ZNF385D: variants seen among roughly 807,000 people sequenced by gnomAD.
The protein encoded by ZNF385D is zinc finger protein 385D.
ZNF385D carries 15 observed loss-of-function variants against 35.8 expected under a neutral mutation model. That is an observed-to-expected ratio of 0.42 (90% CI 0.28 to 0.64). The LOEUF (loss-of-function observed/expected upper bound fraction) is 0.64. Ranked by LOEUF, ZNF385D falls within the 30% of genes least tolerant of loss-of-function variation. The pLI is 0.23. For synonymous variants in ZNF385D, 212 were observed against 186.8 expected (o/e 1.13, Z -1.10); for missense variants, 474 against 494.6 (o/e 0.96, Z 0.39).
intron 3 of ZNF385D, among the ~76,000 whole-genome samples, chr3:21,827,100 G>T (rs1456746206): frequency 6.6e-6 from 1 of 152,146 alleles, no homozygotes; most frequent in Non-Finnish European, 1.5e-5. Context: ...CATAGTTTCA[G>T]TGAAGATGAA....
chr3:21,510,786 G>C (rs1707143766), intron 4 of ZNF385D, 75 bp downstream of exon 4: 2 of 1,574,600 alleles, frequency 1.3e-6, no homozygotes, highest in Non-Finnish European at 1.7e-6. Context: ...TAAGTAAACA[G>C]ACATGGGGCT....
intron 3 of ZNF385D, among the ~76,000 whole-genome samples, chr3:21,962,726 G>A (rs1031436879): frequency 2.0e-5 from 3 of 152,066 alleles, no homozygotes; most frequent in Non-Finnish European, 4.4e-5. Context: ...GGAACCAGAT[G>A]ATTTTCTTTT....
At chr3:21,857,162 AC>A (rs1306195860) in intron 3 of ZNF385D, among the ~76,000 whole-genome samples, 1 of 152,100 alleles carries the variant, frequency 6.6e-6, no homozygotes, top group Non-Finnish European at 1.5e-5. Flanking sequence ...ATGTCACTCT[AC>A]AGCCCTATCA....
intron 2 of ZNF385D, among the ~76,000 whole-genome samples, chr3:22,298,411 A>T (rs1282942020): frequency 6.9e-6 from 1 of 144,182 alleles, no homozygotes; most frequent in African/African-American, 2.5e-5. Context: ...TATGTAAAAT[A>T]AAAACATTTA....
chr3:22,289,484 CACT>C (rs1399909683), intron 2 of ZNF385D, among the ~76,000 whole-genome samples: 1 of 152,120 alleles, frequency 6.6e-6, no homozygotes, highest in African/African-American at 2.4e-5. Flanking sequence ...TTCTCTACAC[CACT>C]GATTCCCAAA....
intron 3 of ZNF385D, among the ~76,000 whole-genome samples, chr3:22,159,477 C>T (rs1705805827): frequency 6.6e-6 from 1 of 151,914 alleles, no homozygotes; most frequent in Non-Finnish European, 1.5e-5. Context: ...GTTGTAAAAC[C>T]TCATCATTGT....
At chr3:21,851,042 A>C (rs1185294601) in intron 3 of ZNF385D, among the ~76,000 whole-genome samples, 1 of 152,098 alleles carries the variant, frequency 6.6e-6, no homozygotes, top group East Asian at 1.9e-4. Flanking sequence ...GAAATGAGAA[A>C]GATAAAATCA....
At chr3:22,159,537 G>C (rs987669520) in intron 3 of ZNF385D, among the ~76,000 whole-genome samples, 14 of 152,018 alleles carry the variant, frequency 9.2e-5, no homozygotes, top group Admixed American at 9.2e-4. Flanking sequence ...AGAAATCTCT[G>C]TGTTGCAAAA....
intron 3 of ZNF385D, among the ~76,000 whole-genome samples, chr3:21,540,494 GA>G (rs34176668): frequency 2.0e-5 from 3 of 152,244 alleles, no homozygotes; most frequent in Non-Finnish European, 4.4e-5. Flanking sequence ...TGGTTGGGAC[GA>G]AAAAAGTTGA....
At chr3:21,506,093 G>A (rs1706752496) in intron 4 of ZNF385D, among the ~76,000 whole-genome samples, 1 of 152,132 alleles carries the variant, frequency 6.6e-6, no homozygotes, top group African/African-American at 2.4e-5. Context: ...ACAATAGAAT[G>A]TTATATAATT....
At chr3:21,573,612 T>C (rs1055224651) in intron 2 of ZNF385D, among the ~76,000 whole-genome samples, 1 of 152,052 alleles carries the variant, frequency 6.6e-6, no homozygotes, top group Non-Finnish European at 1.5e-5. Context: ...CATACAAAAG[T>C]TATAAGAAAC....
intron 2 of ZNF385D, among the ~76,000 whole-genome samples, chr3:21,595,752 CA>C (rs1486318286): frequency 6.6e-6 from 1 of 152,070 alleles, no homozygotes; most frequent in Non-Finnish European, 1.5e-5. Flanking sequence ...GATTTTTGAA[CA>C]GCAGAAATAA....
intron 1 of ZNF385D, among the ~76,000 whole-genome samples, chr3:21,717,417 TTC>T (rs909869476): frequency 7.2e-5 from 11 of 152,184 alleles, no homozygotes; most frequent in Non-Finnish European, 1.2e-4. Flanking sequence ...TGTGATGACT[TTC>T]TGTTTCTCTC....
intron 2 of ZNF385D, among the ~76,000 whole-genome samples, chr3:22,333,710 A>G (rs548026426): frequency 8.3e-4 from 127 of 152,258 alleles, no homozygotes; most frequent in Non-Finnish European, 1.6e-3. Context: ...TTTTTATAAT[A>G]GCTGCCACTG....
At chr3:22,005,679 T>C (rs552320127) in intron 3 of ZNF385D, among the ~76,000 whole-genome samples, 3 of 152,234 alleles carry the variant, frequency 2.0e-5, no homozygotes, top group African/African-American at 7.2e-5. Flanking sequence ...CACCTCATTA[T>C]ACCCACTTGA....
At chr3:22,012,813 C>G (rs906716478) in intron 3 of ZNF385D, among the ~76,000 whole-genome samples, 1 of 152,030 alleles carries the variant, frequency 6.6e-6, no homozygotes, top group African/African-American at 2.4e-5. Flanking sequence ...TAATCAGCTC[C>G]TGTCTAAATT....
chr3:22,021,274 T>A (rs571112593), intron 3 of ZNF385D, among the ~76,000 whole-genome samples: 1 of 152,046 alleles, frequency 6.6e-6, no homozygotes, highest in Admixed American at 6.6e-5. Context: ...AGACTCAACA[T>A]GTGAAGCATC....
intron 4 of ZNF385D, among the ~76,000 whole-genome samples, chr3:21,506,248 C>T (rs1221710319): frequency 6.6e-6 from 1 of 152,160 alleles, no homozygotes; most frequent in Non-Finnish European, 1.5e-5. Flanking sequence ...AGCCTTTTCC[C>T]CTCTTCCATA....
rs1277764335 is a variant in ZNF385D at position 21,418,614 on chromosome 3, C to G, written c.*2600G>C. 6.6e-6 allele frequency: 1 copy of G among 152,160 alleles called. No individual in the cohort carries two copies. The highest frequency in any genetic ancestry group is 1.5e-5 in the Non-Finnish European group (1 of 68,026). 9.4% of individuals were successfully genotyped at this position (152,160 alleles called of 1,614,324 possible). ...GCTGATTCGTTTGTTCCCAGCAAAT[C>G]ATTAAAGACAGTAATGCCTTGTGAC... On this transcript the variant is annotated 3_prime_UTR_variant, in exon 8 of 8. Transcript: ENST00000281523.
Sources: allele counts gnomAD v4.1 joint callset (sites outside exome capture counted in the v4.1 genomes callset), GRCh38; gene constraint gnomAD v4.1.1; transcripts MANE v1.5; gene names NCBI Gene and HGNC (gene_info 2026-07-23, HGNC 2026-07-21).